Variants in RHBDL2 observed in about 807,000 individuals in gnomAD.
RHBDL2 encodes rhomboid-related protein 2.
A neutral mutation model predicts 31.7 loss-of-function variants in RHBDL2; 26 were observed. The observed-to-expected ratio is 0.82, with a 90% CI of 0.60 to 1.14. The LOEUF (loss-of-function observed/expected upper bound fraction) is 1.14, where lower values mean the gene tolerates loss of function less well. Among genes scored for constraint, RHBDL2 ranks in the 50% most tolerant of loss-of-function variants. The pLI, the probability that RHBDL2 is intolerant of heterozygous loss-of-function variation, is 0.00. For missense variants in RHBDL2, 336 were observed against 364.4 expected, an observed-to-expected ratio of 0.92 and a Z score of 0.63; for synonymous variants, 123 against 127.2, an observed-to-expected ratio of 0.97 and a Z score of 0.22.
At chr1:38,906,732 A>C (rs539441378) in intron 4 of RHBDL2, among the ~76,000 whole-genome samples, 1 of 152,156 alleles carries the variant, frequency 6.6e-6, no homozygotes, top group South Asian at 2.1e-4. Context: ...TAGCAATGAA[A>C]TTATGGACAC....
intron 2 of RHBDL2, among the ~76,000 whole-genome samples, chr1:38,917,676 A>G (rs946337803): frequency 6.6e-6 from 1 of 152,164 alleles, no homozygotes; most frequent in Non-Finnish European, 1.5e-5. Context: ...CTCACAGTGA[A>G]ATCCTGTGAA....
At chr1:38,905,018 G>A (rs911704133) in intron 4 of RHBDL2, among the ~76,000 whole-genome samples, 6 of 150,398 alleles carry the variant, frequency 4.0e-5, no homozygotes, top group East Asian at 2.0e-4. Flanking sequence ...GCAACAGAGC[G>A]AGACTCCGTC....
chr1:38,887,453 G>A (rs1353903266), intron 7 of RHBDL2, among the ~76,000 whole-genome samples: 1 of 151,270 alleles, frequency 6.6e-6, no homozygotes, highest in Non-Finnish European at 1.5e-5. Flanking sequence ...TTGAGACAGA[G>A]TCACTCTGTC....
At chr1:38,935,211 C>T (rs1465729934) in intron 1 of RHBDL2, among the ~76,000 whole-genome samples, 2 of 152,074 alleles carry the variant, frequency 1.3e-5, no homozygotes, top group Non-Finnish European at 2.9e-5. Context: ...ACCAATTAGC[C>T]AAATCAAAGA....
intron 5 of RHBDL2, among the ~76,000 whole-genome samples, chr1:38,894,697 C>CTTTTCTTTTCTTTTTTTTTTTTTTT (rs1557608827): frequency 3.0e-5 from 2 of 67,370 alleles, no homozygotes; most frequent in Non-Finnish European, 7.8e-5. Flanking sequence ...TCTTTTTTTT[C>CTTTTCTTTTCTTTTTTTTTTTTTTT]TTTTTTTTTC....
chr1:38,937,720 C>T (rs1396905261), intron 1 of RHBDL2, among the ~76,000 whole-genome samples: 1 of 152,142 alleles, frequency 6.6e-6, no homozygotes, highest in Non-Finnish European at 1.5e-5. Flanking sequence ...AAGTAGTATC[C>T]TTGAACTTAT....
intron 6 of RHBDL2, among the ~76,000 whole-genome samples, chr1:38,890,512 C>T (rs1414907614): frequency 1.3e-5 from 2 of 152,168 alleles, no homozygotes; most frequent in African/African-American, 4.8e-5. Flanking sequence ...CAGTTTCTCT[C>T]ATCTTGCCCC....
intron 3 of RHBDL2, among the ~76,000 whole-genome samples, chr1:38,913,097 C>T (rs997713623): frequency 6.6e-5 from 10 of 151,528 alleles, no homozygotes; most frequent in African/African-American, 2.4e-4. Flanking sequence ...ATTCTCCTGC[C>T]TCAGCTTCCC....
At chr1:38,931,180 T>G (rs78879945) in intron 1 of RHBDL2, among the ~76,000 whole-genome samples, 2,340 of 152,316 alleles carry the variant, frequency 0.015, 66 homozygotes, top group African/African-American at 0.051. Context: ...TGAAAACTTC[T>G]GCCCTAGAGA....
chr1:38,927,207 C>T (rs1643387735), intron 1 of RHBDL2, among the ~76,000 whole-genome samples: 1 of 152,152 alleles, frequency 6.6e-6, no homozygotes, highest in Admixed American at 6.5e-5. Flanking sequence ...GCGGGTGGAT[C>T]ACAAGGTCAG....
intron 1 of RHBDL2, among the ~76,000 whole-genome samples, chr1:38,925,178 C>T (rs1176981884): frequency 6.6e-6 from 1 of 152,092 alleles, no homozygotes; most frequent in Non-Finnish European, 1.5e-5. Context: ...CTACATACCA[C>T]ATAGTGTCTC....
intron 6 of RHBDL2, among the ~76,000 whole-genome samples, chr1:38,889,294 G>A (rs1194898349): frequency 2.0e-5 from 3 of 151,968 alleles, no homozygotes; most frequent in Non-Finnish European, 4.4e-5. Context: ...GCATTTCACC[G>A]TGTTGACAAG....
At chr1:38,901,372 GA>G (rs201066688) in intron 4 of RHBDL2, among the ~76,000 whole-genome samples, 3,396 of 149,966 alleles carry the variant, frequency 0.023, 130 homozygotes, top group African/African-American at 0.077. Flanking sequence ...CGAGACAGGA[GA>G]ATTGCTTGAA....
chr1:38,938,067 G>T (rs1233535586), intron 1 of RHBDL2, among the ~76,000 whole-genome samples: 1 of 151,850 alleles, frequency 6.6e-6, no homozygotes, highest in East Asian at 1.9e-4. Flanking sequence ...GCCCAGGCTG[G>T]AGTGCAGCGG....
At chr1:38,924,738 G>A (rs1643354599) in intron 1 of RHBDL2, among the ~76,000 whole-genome samples, 1 of 148,368 alleles carries the variant, frequency 6.7e-6, no homozygotes, top group Non-Finnish European at 1.5e-5. Context: ...CAGGACAATT[G>A]ACTACCTTAA....
intron 4 of RHBDL2, among the ~76,000 whole-genome samples, chr1:38,910,715 T>G (rs1381623039): frequency 6.6e-6 from 1 of 151,938 alleles, no homozygotes; most frequent in African/African-American, 2.4e-5. Context: ...AATACGTACC[T>G]GTACACCAAA....
intron 6 of RHBDL2, among the ~76,000 whole-genome samples, chr1:38,889,293 C>T (rs924760846): frequency 3.3e-5 from 5 of 152,036 alleles, no homozygotes; most frequent in Non-Finnish European, 5.9e-5. Context: ...AGCATTTCAC[C>T]GTGTTGACAA....
intron 5 of RHBDL2, among the ~76,000 whole-genome samples, chr1:38,894,337 T>G (rs897427476): frequency 1.3e-5 from 2 of 151,960 alleles, no homozygotes. Context: ...TTGTTGTTGT[T>G]GTTTGAGTTG....
rs996820756 is a variant in RHBDL2 at position 38,915,481 on chromosome 1, A to G, written c.395+81T>C. On this transcript the variant is annotated intron_variant, in intron 3 of 7. Transcript: ENST00000372990. ...TTATGGACATGAAAGTGCCTTATCA[A>G]TAATAAAGCACTCAACAAATGTTAG... The G allele has an allele frequency of 1.5e-5, 21 of 1,411,748 alleles. No homozygotes were observed. The Admixed American group carries it at 1.7e-4, about 11-fold the overall frequency. 87.5% of individuals were successfully genotyped at this position (1,411,748 alleles called of 1,614,324 possible).
Sources: allele counts gnomAD v4.1 joint callset (sites outside exome capture counted in the v4.1 genomes callset), GRCh38; gene constraint gnomAD v4.1.1; transcripts MANE v1.5; gene names NCBI Gene and HGNC (gene_info 2026-07-23, HGNC 2026-07-21).